Variants in GREM2 observed in about 807,000 individuals in gnomAD.
GREM2 encodes the protein gremlin-2.
Under a neutral mutation model 14.2 loss-of-function variants are expected in GREM2, and 11 were observed. That is an observed-to-expected ratio of 0.78 (90% CI 0.49 to 1.28). The LOEUF (loss-of-function observed/expected upper bound fraction) is 1.28. Among genes scored for constraint, GREM2 ranks in the 50% most tolerant of loss-of-function variants. The probability of loss-of-function intolerance (pLI) is 0.00; values close to 1 mark genes in which losing one functional copy is unlikely to be tolerated. For synonymous variants in GREM2, 98 were observed against 97.6 expected (o/e 1.00, Z -0.02); for missense variants, 210 against 218.5 (o/e 0.96, Z 0.24).
intron 1 of GREM2, among the ~76,000 whole-genome samples, chr1:240,589,710 G>T (rs1271090738): frequency 6.6e-6 from 1 of 152,094 alleles, no homozygotes; most frequent in African/African-American, 2.4e-5. Context: ...AGCTGAACTT[G>T]AGCAGGTTGT....
At chr1:240,597,604 G>A (rs1417057404) in intron 1 of GREM2, among the ~76,000 whole-genome samples, 1 of 152,110 alleles carries the variant, frequency 6.6e-6, no homozygotes, top group Admixed American at 6.6e-5. Flanking sequence ...TAGTGACCTG[G>A]GAGCTGCTGA....
intron 1 of GREM2, among the ~76,000 whole-genome samples, chr1:240,571,338 A>T (rs1056520838): frequency 7.2e-5 from 11 of 152,302 alleles, no homozygotes; most frequent in Admixed American, 2.0e-4. Context: ...TGAATTGGCC[A>T]ATTTCTAAGA....
In GREM2 at chr1:240,562,657, C is replaced by T. The variant is rs1248517711; in HGVS notation, c.-2+49227G>A. On this transcript the variant is annotated intron_variant, in intron 1 of 1. Coordinates refer to ENST00000318160, the MANE Select transcript of GREM2 (RefSeq NM_022469.4). Reference sequence around the variant, plus strand: ...CAGAGGAAATTATATTTGACATAGGCTTTTCTCTTTAGCATTTACTATATA... The same window carrying T: ...CAGAGGAAATTATATTTGACATAGGTTTTTCTCTTTAGCATTTACTATATA... 3.3e-5 allele frequency among the ~76,000 whole-genome samples: 5 copies of T among 152,152 alleles called. No homozygotes were observed. In the East Asian group the frequency reaches 9.7e-4, roughly 29 times the overall value.
At chr1:240,601,269 T>C (rs1240333227) in intron 1 of GREM2, among the ~76,000 whole-genome samples, 1 of 152,214 alleles carries the variant, frequency 6.6e-6, no homozygotes, top group Non-Finnish European at 1.5e-5. Flanking sequence ...TACAAAGTGA[T>C]AGTTCCACAC....
rs774858939 is a variant in GREM2, at chr1:240,587,174, C to A, written c.-2+24710G>T. Among the ~76,000 whole-genome samples the A allele has an allele frequency of 4.6e-5, 7 of 152,104 alleles. No homozygotes were observed. The East Asian group carries it at 9.6e-4, about 21-fold the overall frequency. On this transcript the variant is annotated intron_variant, in intron 1 of 1. Transcript: ENST00000318160. ...GCAGAAAATTAAAATCACTAAGAAG[C>A]CTACCACTCAAAGATAACCCCTGTT...
intron 1 of GREM2, among the ~76,000 whole-genome samples, chr1:240,497,012 A>G (rs185595846): frequency 6.6e-6 from 1 of 151,188 alleles, no homozygotes; most frequent in Admixed American, 6.6e-5. Flanking sequence ...CAAGAGTGAA[A>G]CTCCATCTCA....
At chr1:240,599,945 CCTT>C (rs1160689999) in intron 1 of GREM2, among the ~76,000 whole-genome samples, 23 of 152,298 alleles carry the variant, frequency 1.5e-4, no homozygotes, top group Middle Eastern at 3.4e-3. Flanking sequence ...TATATGAAAT[CCTT>C]CTATTGCCCC....
rs1187770486 is a variant in GREM2 at position 240,547,532 on chromosome 1, T to TATATATATATAGACAGATAGATAGATAG, written c.-1-54057_-1-54056insCTATCTATCTATCTGTCTATATATATAT. Among the ~76,000 whole-genome samples, 129 of 121,852 alleles carry TATATATATATAGACAGATAGATAGATAG rather than the reference T, an allele frequency of 1.1e-3. 1 individual carries two copies. The highest frequency in any genetic ancestry group is 7.0e-3 in the East Asian group (30 of 4,292). The allele number at this position is 121,852 out of a possible 152,430, so 79.9% of individuals were successfully genotyped here. A position where few individuals can be genotyped will look rare whatever the true frequency, so the allele number is the denominator to read the frequency against. Reference sequence around the variant, plus strand: ...AAAAAAAAATATATATATATATATATATAGATAGATAGATAGATAGATAGA... The same window carrying TATATATATATAGACAGATAGATAGATAG: ...AAAAAAAAATATATATATATATATATATATATATATAGACAGATAGATAGATAGATAGATAGATAGATAGATAGATAGA... On this transcript the variant is annotated intron_variant, in intron 1 of 1. Transcript: ENST00000318160.
At chr1:240,510,100 T>C (rs1296491546) in intron 1 of GREM2, among the ~76,000 whole-genome samples, 1 of 152,156 alleles carries the variant, frequency 6.6e-6, no homozygotes, top group Non-Finnish European at 1.5e-5. Flanking sequence ...CCGGGTGCGG[T>C]GGCTCACGCC....
chr1:240,574,468 A>T (rs1679321743), intron 1 of GREM2, among the ~76,000 whole-genome samples: 1 of 151,216 alleles, frequency 6.6e-6, no homozygotes, highest in Non-Finnish European at 1.5e-5. Context: ...AGGTCGTAGA[A>T]GAGGAAGGTG....
At chr1:240,506,414 G>A (rs542131988) in intron 1 of GREM2, among the ~76,000 whole-genome samples, 97 of 152,270 alleles carry the variant, frequency 6.4e-4, no homozygotes, top group African/African-American at 2.1e-3. Flanking sequence ...TTTCGTCGGT[G>A]TTAAGTCTTA....
rs1319515110 is a variant in GREM2 at position 240,516,537 on chromosome 1, A to G, written c.-1-23061T>C. On this transcript the variant is annotated intron_variant, in intron 1 of 1. Transcript: ENST00000318160. The stretch of plus-strand genomic sequence containing the variant: ...AAGAGCATTTATGAGGATATCTTAA[A>G]AACACATTTGGGGGCATCTGGGAAG... Among the ~76,000 whole-genome samples, 8 of 152,282 alleles carry G rather than the reference A, an allele frequency of 5.3e-5. No individual in the cohort carries two copies. The East Asian group carries it at 1.5e-3, about 29-fold the overall frequency.
At chr1:240,604,128 T>G (rs889849172) in intron 1 of GREM2, among the ~76,000 whole-genome samples, 2 of 151,750 alleles carry the variant, frequency 1.3e-5, no homozygotes, top group African/African-American at 4.8e-5. Context: ...AGTGAATGAA[T>G]GCACTGAGGG....
Position 240,542,932 on chromosome 1 carries a change from T to C in GREM2, c.-1-49456A>G, listed in dbSNP as rs755173589. 5.9e-5 allele frequency among the ~76,000 whole-genome samples: 9 copies of C among 152,194 alleles called. No homozygotes were observed. The highest frequency in any genetic ancestry group is 1.2e-4 in the Non-Finnish European group (8 of 68,030). On this transcript the variant is annotated intron_variant, in intron 1 of 1. Coordinates refer to ENST00000318160, the MANE Select transcript of GREM2 (RefSeq NM_022469.4). This position sits in a 1 kb window ranked among gnomAD's most constrained non-coding sequence, Gnocchi z 4.1. ...CTGAGAAAGAAAGAGCTCTCTCCAC[T>C]CTTAGAAGTTCTGTAAGATCCCACC...
chr1:240,540,026 A>G lies in GREM2; in HGVS notation c.-1-46550T>C, dbSNP rs1678551051. ...CTCAGATGCCTCAGGATCCCTTGCTATGTGCTGAGATTTTCTGTCTTATGA... is the reference window on the plus strand; with the variant it reads ...CTCAGATGCCTCAGGATCCCTTGCTGTGTGCTGAGATTTTCTGTCTTATGA... On this transcript the variant is annotated intron_variant, in intron 1 of 1. Transcript: ENST00000318160. The surrounding 1 kb of genome is among the most constrained non-coding windows in gnomAD (Gnocchi z 4.2). 6.6e-6 allele frequency among the ~76,000 whole-genome samples: 1 copy of G among 152,104 alleles called. No homozygotes were observed. Among genetic ancestry groups the G allele is most frequent in the Admixed American group, 6.6e-5 (1 of 15,266 alleles).
intron 1 of GREM2, among the ~76,000 whole-genome samples, chr1:240,600,222 C>G (rs201304485): frequency 6.6e-6 from 1 of 151,514 alleles, no homozygotes; most frequent in Non-Finnish European, 1.5e-5. Flanking sequence ...ATGTGTAAAA[C>G]GAGATTACGT....
intron 1 of GREM2, chr1:240,531,669 C>T: frequency 1.0e-6 from 1 of 985,068 alleles, no homozygotes; most frequent in African/African-American, 1.7e-5. Context: ...GACGTGGACT[C>T]AGCTCTGAGT....
Position 240,542,856 on chromosome 1 carries a change from T to C in GREM2, c.-1-49380A>G, listed in dbSNP as rs780440542. On this transcript the variant is annotated intron_variant, in intron 1 of 1. Coordinates refer to ENST00000318160, the MANE Select transcript of GREM2 (RefSeq NM_022469.4). The surrounding 1 kb of genome is among the most constrained non-coding windows in gnomAD (Gnocchi z 4.1). Reference sequence around the variant, plus strand: ...TGGCAGGTTTTTATCTTGCAAGATATATTAAAGCCTCCTAGTACACTGAAG... The same window carrying C: ...TGGCAGGTTTTTATCTTGCAAGATACATTAAAGCCTCCTAGTACACTGAAG... 2.7e-4 allele frequency among the ~76,000 whole-genome samples: 41 copies of C among 152,216 alleles called. No individual in the cohort carries two copies. The highest frequency in any genetic ancestry group is 5.1e-4 in the Non-Finnish European group (35 of 68,034).
intron 1 of GREM2, among the ~76,000 whole-genome samples, chr1:240,514,325 C>CAA (rs960774015): frequency 6.7e-6 from 1 of 148,632 alleles, no homozygotes; most frequent in African/African-American, 2.5e-5. Context: ...GAGACTGGAG[C>CAA]AAAGTTTTTG....
Sources: gnomAD v4.1 joint callset for allele counts (sites outside exome capture counted in the v4.1 genomes callset) on GRCh38, gnomAD v4.1.1 for gene constraint, Gnocchi (gnomAD v3.1) non-coding constraint, MANE v1.5 for transcripts, NCBI Gene and HGNC (gene_info 2026-07-23, HGNC 2026-07-21) for gene names.